The following SMIM21 variants were observed in gnomAD, a reference collection of about 807,000 sequenced individuals.
SMIM21 encodes small integral membrane protein 21.
SMIM21 carries 8 observed loss-of-function variants against 8.6 expected under a neutral mutation model. That is an observed-to-expected ratio of 0.93 (90% CI 0.55 to 1.68). The LOEUF (loss-of-function observed/expected upper bound fraction) is 1.68. Ranked by LOEUF, SMIM21 falls within the 40% of genes most tolerant of loss-of-function variation. SMIM21 has a pLI of 0.00. For missense variants in SMIM21, 132 were observed against 123.0 expected (o/e 1.07, Z -0.35); for synonymous variants, 43 against 41.7 (o/e 1.03, Z -0.12).
chr18:75,411,009 AT>A, intron 2 of SMIM21, 100 bp from the exon 3 acceptor site: 1 of 1,484,974 alleles, frequency 6.7e-7, no homozygotes, highest in Non-Finnish European at 9.1e-7. Context: ...TAATGAACAC[AT>A]TTTAAAATTT....
intron 2 of SMIM21, among the ~76,000 whole-genome samples, chr18:75,415,022 G>A (rs1438561977): frequency 6.6e-6 from 1 of 152,108 alleles, no homozygotes; most frequent in Non-Finnish European, 1.5e-5. Context: ...AGATTCCCTG[G>A]GACTTTCAGA....
At chr18:75,414,122 T>TACAC (rs150399683) in intron 2 of SMIM21, among the ~76,000 whole-genome samples, 3,761 of 145,442 alleles carry the variant, frequency 0.026, 75 homozygotes, top group Middle Eastern at 0.085. Context: ...CACACACACA[T>TACAC]ACACACACAC....
intron 1 of SMIM21, among the ~76,000 whole-genome samples, chr18:75,421,199 TAA>T (rs1333331563): frequency 1.2e-4 from 18 of 152,222 alleles, no homozygotes; most frequent in Admixed American, 1.1e-3. Context: ...CAGAAATATC[TAA>T]AGTCTGTAGT....
chr18:75,426,111 C>CA (rs2024758702), intron 1 of SMIM21, among the ~76,000 whole-genome samples: 1 of 152,070 alleles, frequency 6.6e-6, no homozygotes, highest in South Asian at 2.1e-4. Context: ...AATTCATAAC[C>CA]ATCATCATGT....
At chr18:75,418,478 C>A (rs1231299138) in intron 2 of SMIM21, among the ~76,000 whole-genome samples, 1 of 152,220 alleles carries the variant, frequency 6.6e-6, no homozygotes, top group Admixed American at 6.5e-5. Flanking sequence ...CAGGCTCTCA[C>A]TGACGAAATG....
At chr18:75,411,001 A>G in intron 2 of SMIM21, 92 bp from the exon 3 acceptor site, 1 of 1,513,470 alleles carries the variant, frequency 6.6e-7, no homozygotes, top group East Asian at 2.5e-5. Context: ...TTTTTATCTA[A>G]TGAACACATT....
rs745696258 is a variant in SMIM21, at chr18:75,410,913, C to CA, written c.261-5dup. 1.2e-6 allele frequency: 2 copies of CA among 1,613,694 alleles called. No homozygotes were observed. The highest frequency in any genetic ancestry group is 1.7e-6 in the Non-Finnish European group (2 of 1,179,890). On this transcript the variant is annotated splice_region_variant and splice_polypyrimidine_tract_variant and intron_variant, in intron 2 of 2. Transcript: ENST00000579022. ...GGATGACTTCAAACGTAGAAAGCTG[C>CA]AAGAGACAAAAGGGGGAAAAAGCAT... is the stretch of plus-strand genomic sequence containing the variant.
At chr18:75,416,557 T>C (rs1440794197) in intron 2 of SMIM21, 1 of 152,226 alleles carries the variant, frequency 6.6e-6, no homozygotes, top group East Asian at 1.9e-4. Flanking sequence ...ACTGCAAGGC[T>C]ACAGAAATGT....
chr18:75,414,240 A>AT lies in SMIM21; in HGVS notation c.261-3332dup, dbSNP rs577682515. Among the ~76,000 whole-genome samples the AT allele has an allele frequency of 9.3e-4, 141 of 152,146 alleles. 1 individual carries two copies. Among genetic ancestry groups the AT allele is most frequent in the Middle Eastern group, 6.8e-3 (2 of 294 alleles). ...ATTTATTATCAAAGGATAAAAATAAATTTTTTTTGTCCCCAAGGAAATGTA... is the reference window on the plus strand; with the variant it reads ...ATTTATTATCAAAGGATAAAAATAAATTTTTTTTTGTCCCCAAGGAAATGTA... On this transcript the variant is annotated intron_variant, in intron 2 of 2. Transcript: ENST00000579022.
At chr18:75,415,936 A>C (rs1268225927) in intron 2 of SMIM21, 1 of 152,236 alleles carries the variant, frequency 6.6e-6, no homozygotes, top group Non-Finnish European at 1.5e-5. Context: ...ATCATAATTC[A>C]TGAAAGCATC....
Position 75,410,235 on chromosome 18 carries a change from A to T in SMIM21, c.*629T>A, listed in dbSNP as rs921201853. 1 of 152,672 alleles carries T rather than the reference A, an allele frequency of 6.5e-6. No individual in the cohort carries two copies. The highest frequency in any genetic ancestry group is 2.4e-5 in the African/African-American group (1 of 41,446). The allele number at this position is 152,672 out of a possible 1,614,324, so 9.5% of individuals were successfully genotyped here. On this transcript the variant is annotated 3_prime_UTR_variant, in exon 3 of 3. Coordinates refer to ENST00000579022, the MANE Select transcript of SMIM21 (RefSeq NM_001037331.3). ...TGTAAGAGGCTTGGTGCAGTTTTCT[A>T]CTTGACTGAGGGTTAGTTCATTAGG...
intron 2 of SMIM21, among the ~76,000 whole-genome samples, chr18:75,413,393 C>T (rs1384678536): frequency 6.6e-6 from 1 of 152,210 alleles, no homozygotes; most frequent in African/African-American, 2.4e-5. Flanking sequence ...CCTACCTGAA[C>T]CAGTGGTCTC....
chr18:75,414,968 A>G (rs929948481), intron 2 of SMIM21, among the ~76,000 whole-genome samples: 3 of 152,198 alleles, frequency 2.0e-5, no homozygotes, highest in Admixed American at 6.5e-5. Flanking sequence ...GTTTGTAAGA[A>G]TGGCTGACAA....
In SMIM21 at chr18:75,416,282, A is replaced by T. The variant is rs987991174; in HGVS notation, c.260+2504T>A. 47 of 152,194 alleles carry T rather than the reference A, an allele frequency of 3.1e-4. 2 individuals are homozygous for T. Among genetic ancestry groups the T allele is most frequent in the Admixed American group, 3.1e-3 (47 of 15,286 alleles). The allele number at this position is 152,194 out of a possible 1,614,324, so 9.4% of individuals were successfully genotyped here. On this transcript the variant is annotated intron_variant, in intron 2 of 2. Coordinates refer to ENST00000579022, the MANE Select transcript of SMIM21 (RefSeq NM_001037331.3). Reference sequence around the variant, plus strand: ...TATTCACTTCCTTATTCCTTTAATCAATACCGTGGTTGAGCATCTTTTCAC... The same window carrying T: ...TATTCACTTCCTTATTCCTTTAATCTATACCGTGGTTGAGCATCTTTTCAC...
chr18:75,411,020 T>C lies in SMIM21; in HGVS notation c.261-111A>G, dbSNP rs2024578344. On this transcript the variant is annotated intron_variant, in intron 2 of 2. Transcript: ENST00000579022. The stretch of plus-strand genomic sequence containing the variant: ...TATCTAATGAACACATTTTAAAATT[T>C]AATTTTTCCCCCCAAGATTTTGGAG... 2.8e-6 allele frequency: 4 copies of C among 1,443,370 alleles called. No individual in the cohort carries two copies. The African/African-American group carries it at 4.3e-5, about 15-fold the overall frequency. 89.4% of individuals were successfully genotyped at this position (1,443,370 alleles called of 1,614,324 possible). A position where few individuals can be genotyped will look rare whatever the true frequency, so the allele number is the denominator to read the frequency against.
chr18:75,419,008 T>C (rs1184386735), intron 1 of SMIM21, 92 bp from the exon 2 acceptor site: 3 of 726,694 alleles, frequency 4.1e-6, no homozygotes, highest in African/African-American at 3.6e-5. Context: ...AAACAATTAA[T>C]TTTGTTTAAA....
Position 75,418,864 on chromosome 18 carries a change from A to C in SMIM21, c.182T>G (p.Val61Gly), listed in dbSNP as rs2024679440. ...RFFTLLVLFH[V>G]MVLLRNHSRI... ...GCTATGATTCCTCAGCAACACCATC[A>C]CATGGAAAAGAACCAACAATGTGAA... is the stretch of plus-strand genomic sequence containing the variant. Residue 61 changes from valine to glycine, a missense_variant, in exon 2 of 3, where the codon GTG (valine) becomes GGG (glycine). Transcript: ENST00000579022. 2 of 1,609,296 alleles carry C rather than the reference A, an allele frequency of 1.2e-6. No homozygotes were observed. Among genetic ancestry groups the C allele is most frequent in the Non-Finnish European group, 1.7e-6 (2 of 1,175,752 alleles).
At chr18:75,421,120 G>C (rs2024704132) in intron 1 of SMIM21, among the ~76,000 whole-genome samples, 1 of 152,192 alleles carries the variant, frequency 6.6e-6, no homozygotes, top group Non-Finnish European at 1.5e-5. Context: ...CAGTTTTCCT[G>C]TAAATGTGAC....
intron 2 of SMIM21, 138 bp downstream of exon 2, chr18:75,418,648 A>G (rs1051738398): frequency 2.8e-5 from 21 of 745,300 alleles, no homozygotes; most frequent in Admixed American, 1.8e-4. Flanking sequence ...GCTACCCAGC[A>G]TGTGCACTCT....
Sources: allele counts gnomAD v4.1 joint callset (sites outside exome capture counted in the v4.1 genomes callset), GRCh38; gene constraint gnomAD v4.1.1; transcripts MANE v1.5; gene names NCBI Gene and HGNC (gene_info 2026-07-23, HGNC 2026-07-21).